UBE2H: variants seen among roughly 807,000 people sequenced by gnomAD.
UBE2H encodes the protein ubiquitin conjugating enzyme E2 H, also known as ubiquitin-conjugating enzyme E2 H.
In UBE2H, 3 loss-of-function variants were observed where a neutral mutation model predicts 29.0. The ratio of observed to expected loss-of-function variants is 0.10; its 90% CI spans 0.05 to 0.27. The LOEUF (loss-of-function observed/expected upper bound fraction) is 0.27, where lower values mean the gene tolerates loss of function less well. Ranked by LOEUF, UBE2H falls within the 10% of genes least tolerant of loss-of-function variation. The probability of loss-of-function intolerance (pLI) is 1.00; values close to 1 mark genes in which losing one functional copy is unlikely to be tolerated. For missense variants in UBE2H, 68 were observed against 228.2 expected, an observed-to-expected ratio of 0.30 and a Z score of 4.52; for synonymous variants, 69 against 82.9, an observed-to-expected ratio of 0.83 and a Z score of 0.91.
At chr7:129,936,381 T>G (rs1039752560) in intron 1 of UBE2H, among the ~76,000 whole-genome samples, 1 of 151,840 alleles carries the variant, frequency 6.6e-6, no homozygotes, top group African/African-American at 2.4e-5. Context: ...GATCACGAGG[T>G]CAGGAGATCG....
At chr7:129,916,428 T>TAA (rs5741663) in intron 1 of UBE2H, among the ~76,000 whole-genome samples, 4 of 137,640 alleles carry the variant, frequency 2.9e-5, no homozygotes, top group African/African-American at 5.5e-5. Flanking sequence ...TCTTCCCACT[T>TAA]AAAAAAAAAA....
intron 5 of UBE2H, among the ~76,000 whole-genome samples, chr7:129,855,980 G>C (rs1248750286): frequency 6.6e-6 from 1 of 152,182 alleles, no homozygotes; most frequent in African/African-American, 2.4e-5. Context: ...TTCAGATGGA[G>C]TAGCTGGGAA....
chr7:129,937,112 G>A (rs1279995860), intron 1 of UBE2H, among the ~76,000 whole-genome samples: 2 of 152,060 alleles, frequency 1.3e-5, no homozygotes, highest in East Asian at 1.9e-4. Context: ...GATGGATCAC[G>A]AGGTCAGGAG....
At chr7:129,857,482 T>C in intron 5 of UBE2H, 29 bp downstream of exon 5, 1 of 1,597,408 alleles carries the variant, frequency 6.3e-7, no homozygotes, top group East Asian at 2.3e-5. Context: ...TCTCAACATC[T>C]CCAAAAAATA....
At chr7:129,840,065 G>C (rs1805400649) in intron 5 of UBE2H, among the ~76,000 whole-genome samples, 1 of 152,128 alleles carries the variant, frequency 6.6e-6, no homozygotes, top group Admixed American at 6.5e-5. Flanking sequence ...ACTTCTAATG[G>C]AGGTAAATAT....
Position 129,832,114 on chromosome 7 carries a change from C to T in UBE2H, c.*2823G>A, listed in dbSNP as rs947777524. ...CACCGCTGCTCCAGACTTACGCTACCATCTATTGTTGGGGGCCCAGAGTCC... is the reference window on the plus strand; with the variant it reads ...CACCGCTGCTCCAGACTTACGCTACTATCTATTGTTGGGGGCCCAGAGTCC... On this transcript the variant is annotated 3_prime_UTR_variant, in exon 7 of 7. Coordinates refer to ENST00000355621, the MANE Select transcript of UBE2H (RefSeq NM_003344.4). 2 of 152,256 alleles carry T rather than the reference C, an allele frequency of 1.3e-5. No homozygotes were observed. The highest frequency in any genetic ancestry group is 4.8e-5 in the African/African-American group (2 of 41,460). 9.4% of individuals were successfully genotyped at this position (152,256 alleles called of 1,614,324 possible).
intron 6 of UBE2H, among the ~76,000 whole-genome samples, chr7:129,836,914 AGTAAGGG>A (rs1805340987): frequency 7.0e-6 from 1 of 143,700 alleles, no homozygotes; most frequent in South Asian, 2.3e-4. Context: ...AAAAAAAAGG[AGTAAGGG>A]CAAAGATGTA....
At chr7:129,902,887 T>C (rs907567188) in intron 1 of UBE2H, among the ~76,000 whole-genome samples, 2 of 152,220 alleles carry the variant, frequency 1.3e-5, no homozygotes, top group Non-Finnish European at 2.9e-5. Flanking sequence ...GTTAGTGTCT[T>C]ACATATGTTA....
At chr7:129,933,577 A>G (rs1035340404) in intron 1 of UBE2H, among the ~76,000 whole-genome samples, 5 of 152,240 alleles carry the variant, frequency 3.3e-5, no homozygotes, top group African/African-American at 9.6e-5. Context: ...AGGACCATTT[A>G]AGAAAACAAA....
intron 3 of UBE2H, among the ~76,000 whole-genome samples, chr7:129,875,989 T>C (rs931670179): frequency 1.4e-4 from 21 of 152,222 alleles, no homozygotes; most frequent in East Asian, 7.7e-4. Context: ...ATCTCTCTTG[T>C]AGAAACTTAT....
chr7:129,861,511 T>A (rs1805803070), intron 3 of UBE2H, among the ~76,000 whole-genome samples: 1 of 152,144 alleles, frequency 6.6e-6, no homozygotes, highest in East Asian at 1.9e-4. Context: ...ATTCTCCCAT[T>A]ATTTCTACTT....
At chr7:129,947,375 A>G (rs550052004) in intron 1 of UBE2H, among the ~76,000 whole-genome samples, 1 of 152,318 alleles carries the variant, frequency 6.6e-6, no homozygotes, top group Admixed American at 6.5e-5. Flanking sequence ...TCATCTCACT[A>G]AAACAGAGTC....
intron 6 of UBE2H, among the ~76,000 whole-genome samples, chr7:129,836,878 T>TGAAAAAAAAAAAA (rs1805336404): frequency 4.1e-5 from 1 of 24,200 alleles, no homozygotes; most frequent in Non-Finnish European, 8.3e-5. Context: ...AGACTCCGTC[T>TGAAAAAAAAAAAA]CAAAAAAAAA....
chr7:129,910,834 A>C (rs532812126), intron 1 of UBE2H, among the ~76,000 whole-genome samples: 1 of 152,220 alleles, frequency 6.6e-6, no homozygotes, highest in East Asian at 1.9e-4. Flanking sequence ...GTGAGCAGAG[A>C]GCACACCACC....
At chr7:129,883,951 C>A (rs1806305895) in intron 1 of UBE2H, among the ~76,000 whole-genome samples, 1 of 152,006 alleles carries the variant, frequency 6.6e-6, no homozygotes, top group African/African-American at 2.4e-5. Context: ...CAAAAATTAG[C>A]CAGGCATGGT....
intron 3 of UBE2H, among the ~76,000 whole-genome samples, chr7:129,863,226 C>G (rs1805834503): frequency 6.6e-6 from 1 of 152,158 alleles, no homozygotes; most frequent in Non-Finnish European, 1.5e-5. Flanking sequence ...TAAACATACG[C>G]TTTAGTAATA....
At chr7:129,897,806 A>ATGCCC (rs1309869225) in intron 1 of UBE2H, among the ~76,000 whole-genome samples, 1 of 152,242 alleles carries the variant, frequency 6.6e-6, no homozygotes, top group East Asian at 1.9e-4. Context: ...AAAAAAATCA[A>ATGCCC]AAAGTAATCT....
intron 3 of UBE2H, among the ~76,000 whole-genome samples, chr7:129,869,564 CCT>C (rs1205115983): frequency 2.6e-5 from 4 of 152,162 alleles, no homozygotes; most frequent in East Asian, 1.9e-4. Flanking sequence ...CTGCAAATCC[CCT>C]GTCCTCTCCC....
chr7:129,879,788 G>T, intron 2 of UBE2H, 146 bp from the exon 3 acceptor site: 1 of 650,698 alleles, frequency 1.5e-6, no homozygotes, highest in Non-Finnish European at 2.6e-6. Flanking sequence ...CAATCAATAG[G>T]TGTACCACGT....
Sources: gnomAD v4.1 joint callset for allele counts (sites outside exome capture counted in the v4.1 genomes callset) on GRCh38, gnomAD v4.1.1 for gene constraint, MANE v1.5 for transcripts, NCBI Gene and HGNC (gene_info 2026-07-23, HGNC 2026-07-21) for gene names.